The following FBN3 variants were observed in gnomAD, a reference collection of about 807,000 sequenced individuals.
FBN3 encodes the protein fibrillin 3.
A neutral mutation model predicts 330.1 loss-of-function variants in FBN3; 234 were observed. The ratio of observed to expected loss-of-function variants is 0.71; its 90% CI spans 0.64 to 0.79. The LOEUF is 0.79. Among genes scored for constraint, FBN3 ranks in the 30% least tolerant of loss-of-function variants. FBN3 has a pLI of 0.00. For missense variants in FBN3, 3,606 were observed against 3,886.9 expected, an observed-to-expected ratio of 0.93 and a Z score of 1.92; for synonymous variants, 1,458 against 1,517.3, an observed-to-expected ratio of 0.96 and a Z score of 0.91.
At chr19:8,086,441 TTTA>T (rs1233775472) in intron 54 of FBN3, 116 bp from the exon 55 acceptor site, 1 of 366,420 alleles carries the variant, frequency 2.7e-6, no homozygotes, top group Non-Finnish European at 4.4e-6. Context: ...TTTTATTTTA[TTTA>T]TTTTTATTAT....
intron 30 of FBN3, among the ~76,000 whole-genome samples, chr19:8,112,825 C>T (rs138070695): frequency 3.3e-5 from 5 of 152,274 alleles, no homozygotes; most frequent in Admixed American, 6.5e-5. Flanking sequence ...CATTTCTTTC[C>T]CACACTTCTG....
chr19:8,130,617 A>G (rs1249882447), intron 16 of FBN3, among the ~76,000 whole-genome samples: 241 of 14,326 alleles, frequency 0.017, 23 homozygotes, highest in Middle Eastern at 0.05. Context: ...AGAAAGAAAG[A>G]AAGAAAGAAA....
At chr19:8,135,826 TG>T in intron 13 of FBN3, 134 bp downstream of exon 13, 1 of 921,010 alleles carries the variant, frequency 1.1e-6, no homozygotes, top group Non-Finnish European at 1.6e-6. Flanking sequence ...GGTGGGCTGC[TG>T]GGTTCAGAGG....
chr19:8,132,874 T>G, intron 14 of FBN3, 110 bp downstream of exon 14: 1 of 1,223,472 alleles, frequency 8.2e-7, no homozygotes, highest in Non-Finnish European at 1.1e-6. Flanking sequence ...TCTCTTCTCC[T>G]TCTCTCATGC....
intron 13 of FBN3, among the ~76,000 whole-genome samples, chr19:8,135,512 G>A (rs1410283703): frequency 4.0e-5 from 2 of 50,364 alleles, no homozygotes; most frequent in Admixed American, 2.3e-4. Context: ...TCCTGACCTC[G>A]GCCTCCCAAA....
rs772868283 is a variant in FBN3, at chr19:8,134,082, GA to G, written c.1592-977del. Reference sequence around the variant, plus strand: ...TCTACTAAAAATACAAAAAAAAAAAGAAAAAAAAAATCAGCCGGGCGTGGTG... The same window carrying G: ...TCTACTAAAAATACAAAAAAAAAAAGAAAAAAAAATCAGCCGGGCGTGGTG... On this transcript the variant is annotated intron_variant, in intron 13 of 63. Coordinates refer to ENST00000600128, the MANE Select transcript of FBN3 (RefSeq NM_032447.5). 6.8e-3 allele frequency among the ~76,000 whole-genome samples: 855 copies of G among 125,722 alleles called. 9 individuals are homozygous for G. The highest frequency in any genetic ancestry group is 7.7e-3 in the Non-Finnish European group (436 of 56,618). The allele number at this position is 125,722 out of a possible 152,430, so 82.5% of individuals were successfully genotyped here.
chr19:8,101,053 C>A lies in FBN3; in HGVS notation c.5090-81G>T, dbSNP rs2082317624. ...TCCCAATCTGGAGGGGACACCTCAT[C>A]CCTGGAGCCCAGCCCTCACCTGGCC... On this transcript the variant is annotated intron_variant, in intron 40 of 63. Transcript: ENST00000600128. 4 of 1,162,400 alleles carry A rather than the reference C, an allele frequency of 3.4e-6. No homozygotes were observed. The Admixed American group carries it at 8.8e-5, about 26-fold the overall frequency. The allele number at this position is 1,162,400 out of a possible 1,614,324, so 72.0% of individuals were successfully genotyped here.
At chr19:8,118,562 A>G (rs1355258802) in intron 26 of FBN3, among the ~76,000 whole-genome samples, 2 of 150,184 alleles carry the variant, frequency 1.3e-5, no homozygotes, top group Admixed American at 6.6e-5. Context: ...GTGTGTTCAC[A>G]CAGACGCACA....
intron 38 of FBN3, among the ~76,000 whole-genome samples, chr19:8,105,705 A>G (rs2082423080): frequency 6.6e-6 from 1 of 152,224 alleles, no homozygotes; most frequent in Admixed American, 6.5e-5. Context: ...GATGTCACCA[A>G]AAATAGCAGA....
chr19:8,134,172 G>A (rs1242260465), intron 13 of FBN3, among the ~76,000 whole-genome samples: 1 of 151,998 alleles, frequency 6.6e-6, no homozygotes, highest in Non-Finnish European at 1.5e-5. Flanking sequence ...AACCCGGGAG[G>A]TGGAGGTTGC....
chr19:8,093,301 A>G (rs1305687963), intron 47 of FBN3, among the ~76,000 whole-genome samples: 1 of 151,894 alleles, frequency 6.6e-6, no homozygotes, highest in African/African-American at 2.4e-5. Context: ...CAGCCTGGCC[A>G]TCATGGTGAA....
At chr19:8,083,642 C>T (rs2081860976) in intron 56 of FBN3, among the ~76,000 whole-genome samples, 1 of 151,300 alleles carries the variant, frequency 6.6e-6, no homozygotes, top group South Asian at 2.1e-4. Context: ...AGTGCACCAA[C>T]ATGCAGAACA....
intron 39 of FBN3, 129 bp downstream of exon 39, chr19:8,103,433 C>T (rs934925083): frequency 1.1e-6 from 1 of 951,690 alleles, no homozygotes; most frequent in South Asian, 1.6e-5. Flanking sequence ...GCTTTGTTTA[C>T]TGCCACATGT....
In FBN3 at chr19:8,126,693, C is replaced by T. The variant is rs2082996211; in HGVS notation, c.2416+20G>A. 17 of 1,581,706 alleles carry T rather than the reference C, an allele frequency of 1.1e-5. No individual in the cohort carries two copies. The highest frequency in any genetic ancestry group is 1.5e-5 in the Non-Finnish European group (17 of 1,161,890). ...AGACGCCCAGCCTCTGGAACGCCGTCGGGCTCCGGGGCCGCTCACCTAGAC... is the reference window on the plus strand; with the variant it reads ...AGACGCCCAGCCTCTGGAACGCCGTTGGGCTCCGGGGCCGCTCACCTAGAC... On this transcript the variant is annotated intron_variant, in intron 19 of 63. Transcript: ENST00000600128.
intron 30 of FBN3, among the ~76,000 whole-genome samples, chr19:8,115,075 G>A (rs1252297771): frequency 1.3e-5 from 2 of 151,876 alleles, no homozygotes; most frequent in African/African-American, 4.8e-5. Flanking sequence ...GACTGGTCTC[G>A]AACTCCTGAC....
Position 8,121,196 on chromosome 19 carries a change from C to T in FBN3, c.3211+62G>A. 2.0e-6 allele frequency: 3 copies of T among 1,479,640 alleles called. No individual in the cohort carries two copies. Among genetic ancestry groups the T allele is most frequent in the Non-Finnish European group, 2.7e-6 (3 of 1,094,856 alleles). The allele number at this position is 1,479,640 out of a possible 1,614,324, so 91.7% of individuals were successfully genotyped here. ...CACAGCAACAGCCGTCCCCACCCTC[C>T]CTCTCCTCAATGCCCTCCCTGCCCA... On this transcript the variant is annotated intron_variant, in intron 25 of 63. Coordinates refer to ENST00000600128, the MANE Select transcript of FBN3 (RefSeq NM_032447.5). The surrounding 1 kb of genome is among the most constrained non-coding windows in gnomAD (Gnocchi z 4.5).
intron 56 of FBN3, among the ~76,000 whole-genome samples, chr19:8,083,926 C>A (rs960477869): frequency 9.2e-5 from 14 of 152,014 alleles, no homozygotes; most frequent in Middle Eastern, 3.4e-3. Context: ...CCTCAGCCTC[C>A]CAAGTAGCTG....
intron 22 of FBN3, among the ~76,000 whole-genome samples, chr19:8,125,419 A>G (rs1030506713): frequency 4.9e-5 from 6 of 122,938 alleles, no homozygotes; most frequent in African/African-American, 2.2e-4. Context: ...GTCTCAAGAA[A>G]AAAGAAAAAA....
At chr19:8,073,004 C>CGT in intron 62 of FBN3, 59 bp downstream of exon 62, 6 of 643,424 alleles carry the variant, frequency 9.3e-6, no homozygotes, top group Non-Finnish European at 1.5e-5. Context: ...TGTGTGTGTG[C>CGT]GTGCGTGCAT....
Sources: gnomAD v4.1 joint callset for allele counts (sites outside exome capture counted in the v4.1 genomes callset) on GRCh38, gnomAD v4.1.1 for gene constraint, Gnocchi (gnomAD v3.1) non-coding constraint, MANE v1.5 for transcripts, NCBI Gene and HGNC (gene_info 2026-07-23, HGNC 2026-07-21) for gene names.